LAMA5: variants seen among roughly 807,000 people sequenced by gnomAD.
The protein encoded by LAMA5 is laminin subunit alpha 5.
In LAMA5, 260 loss-of-function variants were observed where a neutral mutation model predicts 433.4. That is an observed-to-expected ratio of 0.60 (90% CI 0.54 to 0.66). The LOEUF (loss-of-function observed/expected upper bound fraction) is 0.66, where lower values mean the gene tolerates loss of function less well. Ranked by LOEUF, LAMA5 falls within the 30% of genes least tolerant of loss-of-function variation. The pLI, the probability that LAMA5 is intolerant of heterozygous loss-of-function variation, is 0.00. For missense variants in LAMA5, 5,378 were observed against 5,258.5 expected, an observed-to-expected ratio of 1.02 and a Z score of -0.70; for synonymous variants, 2,620 against 2,226.6, an observed-to-expected ratio of 1.18 and a Z score of -4.97.
intron 6 of LAMA5, among the ~76,000 whole-genome samples, chr20:62,347,702 G>C (rs1294698032): frequency 6.6e-6 from 1 of 152,190 alleles, no homozygotes; most frequent in Non-Finnish European, 1.5e-5. Context: ...AGCACCTACT[G>C]CTCAGTATTA....
chr20:62,325,088 G>GGGCAGGCGGATGAGGGGCA (rs1979019654), intron 41 of LAMA5: 7 of 285,654 alleles, frequency 2.5e-5, no homozygotes, highest in South Asian at 1.8e-4. Context: ...GTGCATGGAG[G>GGGCAGGCGGATGAGGGGCA]GGCAGGCGGA....
chr20:62,342,692 A>C (rs1982784633), intron 11 of LAMA5, among the ~76,000 whole-genome samples: 1 of 149,066 alleles, frequency 6.7e-6, no homozygotes, highest in African/African-American at 2.5e-5. Context: ...CAAAAACAAA[A>C]AAACAAAAAA....
At chr20:62,317,545 T>G in intron 54 of LAMA5, 46 bp from the exon 55 acceptor site, 2 of 1,525,208 alleles carry the variant, frequency 1.3e-6, no homozygotes, top group African/African-American at 2.8e-5. Context: ...CACAGCCACC[T>G]GATCCACGAC....
chr20:62,353,362 C>A lies in LAMA5; in HGVS notation c.451-111G>T, dbSNP rs893047148. 29 of 746,792 alleles carry A rather than the reference C, an allele frequency of 3.9e-5. No homozygotes were observed. In the Admixed American group the frequency reaches 6.2e-4, roughly 16 times the overall value. 46.3% of individuals were successfully genotyped at this position (746,792 alleles called of 1,614,324 possible). ...TGAGGCCACAGCAGGGGATGTGGCA[C>A]CCTCGCCGCACAGGGGGCACCTCTG... On this transcript the variant is annotated intron_variant, in intron 2 of 79. Transcript: ENST00000252999.
chr20:62,328,328 AGG>A lies in LAMA5; in HGVS notation c.4563_4564del (p.Leu1522GlyfsTer4), dbSNP rs1432696616. On this transcript the variant is annotated frameshift_variant, in exon 35 of 80. Transcript: ENST00000252999. LOFTEE classifies it high-confidence loss of function. ...GCAGTTACACTCCTCACAGCCGACC[AGG>A]GGGTGGCAGCCAAAGGTCTGGGGCT... The A allele has an allele frequency of 1.2e-6, 2 of 1,602,676 alleles. No individual in the cohort carries two copies. The highest frequency in any genetic ancestry group is 1.7e-6 in the Non-Finnish European group (2 of 1,175,386).
chr20:62,309,911 A>G (rs1601262572), intron 78 of LAMA5, 76 bp from the exon 79 acceptor site: 1 of 1,605,470 alleles, frequency 6.2e-7, no homozygotes, highest in African/African-American at 1.3e-5. Flanking sequence ...AAGCCACCCC[A>G]CCCAGAGTCC....
intron 1 of LAMA5, among the ~76,000 whole-genome samples, chr20:62,366,436 C>T (rs974779686): frequency 1.3e-5 from 2 of 152,238 alleles, no homozygotes; most frequent in Non-Finnish European, 2.9e-5. Context: ...GTCAAAACTT[C>T]GCAGCTGGCC....
rs1235663985 is a variant in LAMA5, at chr20:62,327,781, C to T, written c.4797+85G>A. 7.6e-6 allele frequency: 12 copies of T among 1,571,846 alleles called. No individual in the cohort carries two copies. The South Asian group carries it at 1.1e-4, about 14-fold the overall frequency. ...CTCTCCCAAAAGCTTCTAGGAAGCC[C>T]CAGCTGCCCCGAAAGGCCCGTAAGG... On this transcript the variant is annotated intron_variant, in intron 36 of 79. Transcript: ENST00000252999.
chr20:62,341,841 A>C (rs1329624072), intron 11 of LAMA5, among the ~76,000 whole-genome samples: 1 of 146,128 alleles, frequency 6.8e-6, no homozygotes, highest in Non-Finnish European at 1.5e-5. Context: ...AAAAAAAAAA[A>C]AAAAAAGAAG....
chr20:62,315,905 C>T lies in LAMA5; in HGVS notation c.7867+43G>A, dbSNP rs1355180210. 3.5e-6 allele frequency: 5 copies of T among 1,444,510 alleles called. No individual in the cohort carries two copies. In the African/African-American group the frequency reaches 4.2e-5, roughly 12 times the overall value. 89.5% of individuals were successfully genotyped at this position (1,444,510 alleles called of 1,614,324 possible). On this transcript the variant is annotated intron_variant, in intron 58 of 79. Coordinates refer to ENST00000252999, the MANE Select transcript of LAMA5 (RefSeq NM_005560.6). Reference sequence around the variant, plus strand: ...GGCCAGCGCCACTGTCACAGAGCCTCATGGTCGGCCGGCTGCGAGAGCCGG... The same window carrying T: ...GGCCAGCGCCACTGTCACAGAGCCTTATGGTCGGCCGGCTGCGAGAGCCGG...
At position 62,324,966 on chromosome 20, in the gene LAMA5, G is replaced by C. The variant is rs2146142923; in HGVS notation, c.5529+350C>G. 2.5e-6 allele frequency: 1 copy of C among 401,930 alleles called. No individual in the cohort carries two copies. Among genetic ancestry groups the C allele is most frequent in the Non-Finnish European group, 4.6e-6 (1 of 218,064 alleles). The allele number at this position is 401,930 out of a possible 1,614,324, so 24.9% of individuals were successfully genotyped here. ...AGATTAGCAGCTGGACAGACACACA[G>C]TGGGCGAGGGATGGGCAGAATGACA... is the stretch of plus-strand genomic sequence containing the variant. On this transcript the variant is annotated intron_variant, in intron 41 of 79. Coordinates refer to ENST00000252999, the MANE Select transcript of LAMA5 (RefSeq NM_005560.6). The surrounding 1 kb of genome is among the most constrained non-coding windows in gnomAD (Gnocchi z 4.4).
intron 53 of LAMA5, 66 bp downstream of exon 53, chr20:62,318,388 A>T (rs1327489930): frequency 1.6e-6 from 2 of 1,226,336 alleles, no homozygotes; most frequent in Non-Finnish European, 2.3e-6. Flanking sequence ...GGAGCCGGAG[A>T]GGAGAGGGAT....
At chr20:62,321,538 C>T (rs1232628704) in intron 48 of LAMA5, among the ~76,000 whole-genome samples, 1 of 44,534 alleles carries the variant, frequency 2.2e-5, no homozygotes, top group African/African-American at 1.3e-4. Flanking sequence ...GAAAGGGTGG[C>T]GCCAGTGGAG....
chr20:62,360,629 G>T (rs185791144), intron 2 of LAMA5, among the ~76,000 whole-genome samples: 1 of 39,772 alleles, frequency 2.5e-5, no homozygotes, highest in Non-Finnish European at 5.6e-5. Context: ...TGGGTGGAGG[G>T]ATAGATGGGT....
chr20:62,362,631 G>A (rs1044435245), intron 1 of LAMA5, 79 bp from the exon 2 acceptor site: 26 of 1,293,184 alleles, frequency 2.0e-5, no homozygotes, highest in Admixed American at 3.2e-5. Context: ...CTGCTGCCCC[G>A]AGACAAGTCC....
intron 11 of LAMA5, among the ~76,000 whole-genome samples, chr20:62,339,777 G>C (rs1191701621): frequency 1.3e-5 from 2 of 152,136 alleles, no homozygotes; most frequent in South Asian, 4.1e-4. Flanking sequence ...TCTAACTTGT[G>C]AAAGTCAGGA....
At chr20:62,345,588 G>A (rs1023668948) in intron 11 of LAMA5, 16 of 663,756 alleles carry the variant, frequency 2.4e-5, no homozygotes, top group African/African-American at 2.1e-4. Context: ...TGTATTTGCT[G>A]TAGAGACAGG....
Position 62,367,201 on chromosome 20 carries a change from G to A in LAMA5, c.45C>T (p.Gly15=), listed in dbSNP as rs1468144674. The part of the protein sequence containing the change: ...LCAGSALCVR[G]PRGPAPLLLV... The stretch of plus-strand genomic sequence containing the variant: ...GCAGCAGCGGCGCGGGGCCCCGGGG[G>A]CCGCGAACACACAGTGCGCTCCCCG... The change falls in exon 1 of 80, where the codon GGC becomes GGT. Residue 15 remains glycine, a synonymous_variant. Coordinates refer to ENST00000252999, the MANE Select transcript of LAMA5 (RefSeq NM_005560.6). 4 of 1,220,356 alleles carry A rather than the reference G, an allele frequency of 3.3e-6. No individual in the cohort carries two copies. Among genetic ancestry groups the A allele is most frequent in the Admixed American group, 4.3e-5 (1 of 23,170 alleles). 75.6% of individuals were successfully genotyped at this position (1,220,356 alleles called of 1,614,324 possible).
intron 9 of LAMA5, 72 bp from the exon 10 acceptor site, chr20:62,346,287 T>C (rs113045411): frequency 6.5e-7 from 1 of 1,540,850 alleles, no homozygotes; most frequent in Non-Finnish European, 8.8e-7. Flanking sequence ...GATGTGGCAG[T>C]CTCTACCTCC....
Sources: gnomAD v4.1 joint callset for allele counts (sites outside exome capture counted in the v4.1 genomes callset) on GRCh38, gnomAD v4.1.1 for gene constraint, Gnocchi (gnomAD v3.1) non-coding constraint, MANE v1.5 for transcripts, NCBI Gene and HGNC (gene_info 2026-07-23, HGNC 2026-07-21) for gene names.